PLCL1: variants seen among roughly 807,000 people sequenced by gnomAD.
PLCL1 encodes phospholipase C like 1 (inactive).
A neutral mutation model predicts 84.4 loss-of-function variants in PLCL1; 41 were observed. That is an observed-to-expected ratio of 0.49 (90% confidence interval 0.38 to 0.63). PLCL1 has a LOEUF of 0.63. Among genes scored for constraint, PLCL1 ranks in the 30% least tolerant of loss-of-function variants. The probability of loss-of-function intolerance (pLI) is 0.00; values close to 1 mark genes in which losing one functional copy is unlikely to be tolerated. For synonymous variants in PLCL1, 490 were observed against 488.3 expected (o/e 1.00, Z -0.05); for missense variants, 1,206 against 1,367.8 (o/e 0.88, Z 1.87).
chr2:197,991,625 C>T (rs1690348051), intron 1 of PLCL1, among the ~76,000 whole-genome samples: 4 of 152,198 alleles, frequency 2.6e-5, no homozygotes, highest in Admixed American at 2.6e-4. Context: ...ACTTCTACTT[C>T]CACTGGAAGT....
chr2:198,042,149 C>A (rs1277825580), intron 1 of PLCL1, among the ~76,000 whole-genome samples: 3 of 152,162 alleles, frequency 2.0e-5, no homozygotes, highest in African/African-American at 7.2e-5. Flanking sequence ...GTTGGCACCT[C>A]CTTTTCCTCT....
intron 1 of PLCL1, among the ~76,000 whole-genome samples, chr2:197,956,996 A>G (rs541815288): frequency 6.6e-6 from 1 of 151,952 alleles, no homozygotes; most frequent in African/African-American, 2.4e-5. Context: ...GTCTTTACCC[A>G]TGTCAACTAC....
At chr2:197,925,417 G>T (rs1041960992) in intron 1 of PLCL1, among the ~76,000 whole-genome samples, 2 of 152,164 alleles carry the variant, frequency 1.3e-5, no homozygotes, top group African/African-American at 4.8e-5. Flanking sequence ...CTTCCCAAGT[G>T]AATACAGTAG....
chr2:197,915,165 C>A (rs911435505), intron 1 of PLCL1, among the ~76,000 whole-genome samples: 1 of 152,072 alleles, frequency 6.6e-6, no homozygotes, highest in Admixed American at 6.5e-5. Context: ...GAGATTAGAG[C>A]CTAGAAGGGG....
intron 1 of PLCL1, among the ~76,000 whole-genome samples, chr2:198,037,281 G>A (rs1470910997): frequency 6.6e-6 from 1 of 152,152 alleles, no homozygotes; most frequent in African/African-American, 2.4e-5. Flanking sequence ...TGCTTCTGGA[G>A]TATTGCCTTT....
intron 1 of PLCL1, among the ~76,000 whole-genome samples, chr2:197,899,774 T>C (rs932739336): frequency 6.6e-6 from 1 of 151,574 alleles, no homozygotes; most frequent in African/African-American, 2.4e-5. Flanking sequence ...TAGCTGGGAC[T>C]ACAGGCGCCC....
intron 1 of PLCL1, among the ~76,000 whole-genome samples, chr2:198,033,945 C>T (rs914707712): frequency 1.1e-4 from 17 of 151,996 alleles, no homozygotes; most frequent in African/African-American, 1.7e-4. Flanking sequence ...GTGGTGCACA[C>T]GTTTCTGTTT....
intron 1 of PLCL1, among the ~76,000 whole-genome samples, chr2:197,829,188 C>G: frequency 6.6e-6 from 1 of 152,010 alleles, no homozygotes; most frequent in East Asian, 1.9e-4. Context: ...TCTGGCAACC[C>G]TAGCTGTATG....
chr2:198,028,304 T>C (rs996919232), intron 1 of PLCL1, among the ~76,000 whole-genome samples: 4 of 145,876 alleles, frequency 2.7e-5, no homozygotes, highest in African/African-American at 1.0e-4. Flanking sequence ...CCTAGTCTTA[T>C]TAGGATTTTT....
chr2:198,012,386 A>G (rs1238170623), intron 1 of PLCL1, among the ~76,000 whole-genome samples: 9 of 152,120 alleles, frequency 5.9e-5, no homozygotes, highest in Non-Finnish European at 1.5e-5. Context: ...GAGAACTACA[A>G]TTGAGAAAGT....
intron 1 of PLCL1, among the ~76,000 whole-genome samples, chr2:198,020,767 A>G (rs1271073763): frequency 1.3e-5 from 2 of 152,200 alleles, no homozygotes; most frequent in African/African-American, 2.4e-5. Context: ...AGAGGCCTAC[A>G]AAGAGACTTA....
At chr2:198,050,742 G>C (rs1399045463) in intron 1 of PLCL1, among the ~76,000 whole-genome samples, 1 of 152,094 alleles carries the variant, frequency 6.6e-6, no homozygotes, top group Non-Finnish European at 1.5e-5. Flanking sequence ...TCCCCTTCTA[G>C]TTTTTCCCCT....
intron 1 of PLCL1, among the ~76,000 whole-genome samples, chr2:198,038,946 A>G (rs1246293764): frequency 6.6e-6 from 1 of 152,096 alleles, no homozygotes; most frequent in Non-Finnish European, 1.5e-5. Flanking sequence ...TTGTTAAACT[A>G]CACATTAAGC....
intron 1 of PLCL1, among the ~76,000 whole-genome samples, chr2:198,071,741 C>G (rs1358559429): frequency 6.6e-6 from 1 of 151,706 alleles, no homozygotes; most frequent in East Asian, 1.9e-4. Context: ...TCTATATGGT[C>G]AAATCTATCA....
intron 1 of PLCL1, among the ~76,000 whole-genome samples, chr2:197,904,682 T>A (rs1394753935): frequency 6.6e-6 from 1 of 152,120 alleles, no homozygotes; most frequent in Non-Finnish European, 1.5e-5. Context: ...AGGAAATAGT[T>A]GTGGTAAATC....
chr2:198,053,082 C>G (rs1691981116), intron 1 of PLCL1, among the ~76,000 whole-genome samples: 2 of 152,166 alleles, frequency 1.3e-5, no homozygotes, highest in Admixed American at 1.3e-4. Flanking sequence ...GGATAGAACC[C>G]TAGGTTTGGT....
chr2:198,047,152 T>A (rs1691823727), intron 1 of PLCL1, among the ~76,000 whole-genome samples: 1 of 121,760 alleles, frequency 8.2e-6, no homozygotes, highest in Non-Finnish European at 1.8e-5. Flanking sequence ...CCAGGAGAGA[T>A]GCATGTGTGT....
chr2:198,103,794 T>G, intron 4 of PLCL1, 33 bp from the exon 5 acceptor site: 2 of 1,094,628 alleles, frequency 1.8e-6, no homozygotes, highest in East Asian at 4.8e-5. Flanking sequence ...CTGAGATATA[T>G]ACTCAGATTT....
At chr2:198,092,423 A>T (rs12612977) in intron 3 of PLCL1, among the ~76,000 whole-genome samples, 1 of 152,050 alleles carries the variant, frequency 6.6e-6, no homozygotes, top group African/African-American at 2.4e-5. Context: ...ATATGTAATG[A>T]TCAAATTAGA....
Sources: gnomAD v4.1 joint callset for allele counts (sites outside exome capture counted in the v4.1 genomes callset) on GRCh38, gnomAD v4.1.1 for gene constraint, MANE v1.5 for transcripts, NCBI Gene and HGNC (gene_info 2026-07-23, HGNC 2026-07-21) for gene names.